Variants in CUL7 observed in about 807,000 individuals in gnomAD.
CUL7 encodes cullin 7.
CUL7 carries 96 observed loss-of-function variants against 177.7 expected under a neutral mutation model. The observed-to-expected ratio is 0.54, with a 90% confidence interval of 0.46 to 0.64. CUL7 has a LOEUF of 0.64. Ranked by LOEUF, CUL7 falls within the 30% of genes least tolerant of loss-of-function variation. The pLI, the probability that CUL7 is intolerant of heterozygous loss-of-function variation, is 0.00. For synonymous variants in CUL7, 824 were observed against 890.2 expected (o/e 0.93, Z 1.32); for missense variants, 1,893 against 2,187.9 (o/e 0.87, Z 2.69).
chr6:43,043,094 G>A lies in CUL7; in HGVS notation c.3442C>T (p.Arg1148Trp), dbSNP rs764312242. ...SIMRNLTRCW[R>W]AVVEKQVNNF... ...CCCACCTGCTTCTCCACCACGGCCCGCCAACAGCGCGTCAGGTTTCTCATG... is the reference window on the plus strand; with the variant it reads ...CCCACCTGCTTCTCCACCACGGCCCACCAACAGCGCGTCAGGTTTCTCATG... Residue 1148 changes from arginine (R) to tryptophan (W), a missense_variant, in exon 18 of 26, where the codon CGG (arginine) becomes TGG (tryptophan). Coordinates refer to ENST00000265348, the MANE Select transcript of CUL7 (RefSeq NM_014780.5). The surrounding 1 kb of genome is among the most constrained non-coding windows in gnomAD (Gnocchi z 4.2). 9 of 1,613,856 alleles carry A rather than the reference G, an allele frequency of 5.6e-6. No homozygotes were observed. Among genetic ancestry groups the A allele is most frequent in the African/African-American group, 2.7e-5 (2 of 74,878 alleles).
In CUL7 at chr6:43,051,961, CTAA is replaced by C. The variant is rs1764448905; in HGVS notation, c.581-201_581-199del. On this transcript the variant is annotated intron_variant, in intron 2 of 25. Transcript: ENST00000265348. This position sits in a 1 kb window ranked among gnomAD's most constrained non-coding sequence, Gnocchi z 5.0. Reference sequence around the variant, plus strand: ...AACACGATCTACAATAGTCTAAACTCTAAATTCTTCCTTTGCATAAAAAGCAAC... The same window carrying C: ...AACACGATCTACAATAGTCTAAACTCATTCTTCCTTTGCATAAAAAGCAAC... Among the ~76,000 whole-genome samples, 1 of 152,176 alleles carries C rather than the reference CTAA, an allele frequency of 6.6e-6. No individual in the cohort carries two copies. Among genetic ancestry groups the C allele is most frequent in the East Asian group, 1.9e-4 (1 of 5,200 alleles).
intron 7 of CUL7, among the ~76,000 whole-genome samples, chr6:43,048,790 C>T (rs564980873): frequency 1.9e-3 from 280 of 148,808 alleles, no homozygotes; most frequent in African/African-American, 6.6e-3. Context: ...TTCTTTGAGA[C>T]GGAGTCTCGC....
At chr6:43,039,710 A>T (rs1763244859) in intron 22 of CUL7, among the ~76,000 whole-genome samples, 1 of 151,662 alleles carries the variant, frequency 6.6e-6, no homozygotes, top group South Asian at 2.1e-4. Context: ...AACAAAAATT[A>T]AAAATGTAAA....
Position 43,046,325 on chromosome 6 carries a change from C to T in CUL7, c.2571G>A (p.Thr857=), listed in dbSNP as rs368641425. 38 of 1,614,070 alleles carry T rather than the reference C, an allele frequency of 2.4e-5. No homozygotes were observed. The highest frequency in any genetic ancestry group is 6.7e-5 in the African/African-American group (5 of 74,932). Residue 857 remains threonine (T), a synonymous_variant, in exon 12 of 26, where the codon ACG becomes ACA. Transcript: ENST00000265348. ...CCCAATAGGTCTTGGGGTTGTGGTC[C>T]GTCAGCTTGCTGGCCCGGTGCGGGT... is the stretch of plus-strand genomic sequence containing the variant. ...SSNPHRASKL[T]DHNPKTYWES...
Position 43,052,854 on chromosome 6 carries a change from CAA to C in CUL7, c.-8-60_-8-59del, listed in dbSNP as rs933446124. 68 of 1,539,634 alleles carry C rather than the reference CAA, an allele frequency of 4.4e-5. No homozygotes were observed. In the Middle Eastern group the frequency reaches 5.2e-4, roughly 12 times the overall value. On this transcript the variant is annotated intron_variant, in intron 1 of 25. Coordinates refer to ENST00000265348, the MANE Select transcript of CUL7 (RefSeq NM_014780.5). The surrounding 1 kb of genome is among the most constrained non-coding windows in gnomAD (Gnocchi z 4.5). The stretch of plus-strand genomic sequence containing the variant: ...CTAGAGGAAGGAGAGGTCAGAAAAT[CAA>C]AGATATCCAGGAGGTGGGGAAGCAA...
Position 43,038,945 on chromosome 6 carries a change from A to AGTC in CUL7, c.4334_4336dup (p.Arg1445dup), listed in dbSNP as rs1383349124. 2.5e-6 allele frequency: 4 copies of AGTC among 1,613,272 alleles called. 1 individual carries two copies. In the South Asian group the frequency reaches 4.4e-5, roughly 18 times the overall value. The stretch of plus-strand genomic sequence containing the variant: ...AGCCCAGCCCAGCCACGTCCACTGC[A>AGTC]GTCGCCTCTGTGAGCCTCGCTCAAG... On this transcript the variant is annotated inframe_insertion, in exon 23 of 26. Transcript: ENST00000265348.
intron 7 of CUL7, among the ~76,000 whole-genome samples, chr6:43,048,970 C>T (rs1001021833): frequency 6.6e-6 from 1 of 151,698 alleles, no homozygotes; most frequent in Non-Finnish European, 1.5e-5. Context: ...GACGGGGTTT[C>T]ACCATGTTAG....
In CUL7 at chr6:43,052,798, T is replaced by G. The variant is rs1284123481; in HGVS notation, c.-8-2A>C. The G allele has an allele frequency of 1.9e-6, 3 of 1,601,586 alleles. No individual in the cohort carries two copies. The African/African-American group carries it at 4.0e-5, about 21-fold the overall frequency. On this transcript the variant is annotated splice_acceptor_variant, in intron 1 of 25. Transcript: ENST00000265348. LOFTEE classifies it low-confidence loss of function (5UTR_SPLICE). This position sits in a 1 kb window ranked among gnomAD's most constrained non-coding sequence, Gnocchi z 4.5. ...GGAGTTCTCCCACCATCCTGGCACC[T>G]GGAGCACACAAGGAAAAGAGAACAG...
At chr6:43,042,670 T>A (rs373022881) in intron 19 of CUL7, 132 bp downstream of exon 19, 1 of 683,606 alleles carries the variant, frequency 1.5e-6, no homozygotes, top group South Asian at 1.7e-5. Context: ...TTTTTAAACT[T>A]CTTATAACAT....
chr6:43,053,827 A>G lies in CUL7; in HGVS notation c.-214T>C. ...GGCAGGGTGGGGCCCGGTCCCTGCC[A>G]GCGGCTCCGCCAGCCAAAAGCCACG... On this transcript the variant is annotated 5_prime_UTR_variant, in exon 1 of 26. Transcript: ENST00000265348. The surrounding 1 kb of genome is among the most constrained non-coding windows in gnomAD (Gnocchi z 4.1). 1.3e-6 allele frequency: 2 copies of G among 1,532,994 alleles called. No homozygotes were observed. The highest frequency in any genetic ancestry group is 2.0e-5 in the Admixed American group (1 of 50,972). The allele number at this position is 1,532,994 out of a possible 1,614,324, so 95.0% of individuals were successfully genotyped here.
rs775026400 is a variant in CUL7 at position 43,038,457 on chromosome 6, C to T, written c.4583G>A (p.Arg1528Gln). ...CGACCTGGGTTCCTTGCTGCCATCT[C>T]GAATCTTGAGGACCCCTGAAATAAA... ...KDIPGGVLKI[R>Q]DGSKEPRSRW... is the part of the protein sequence containing the mutation. The change falls in exon 25 of 26, where the codon CGA becomes CAA. Residue 1528 changes from arginine to glutamine, a missense_variant. Physicochemically the swap from Arg to Gln is conservative, Grantham distance 43. This residue lies in a region of CUL7 where 248 missense variants were observed against 262.5 expected (regional missense o/e 0.94). Transcript: ENST00000265348. 9.9e-6 allele frequency: 16 copies of T among 1,614,042 alleles called. No homozygotes were observed. Among genetic ancestry groups the T allele is most frequent in the South Asian group, 9.9e-5 (9 of 91,090 alleles).
rs955472057 is a variant in CUL7, at chr6:43,048,488, A to G, written c.1907T>C (p.Leu636Pro). ...TGAGCTGAGGGCTTGCTCTAGATCC[A>G]GGAGGATTTTCCCAGCTGGACCATA... The part of the protein sequence containing the change: ...EGYGPAGKIL[L>P]DLEQALSSEG... The change falls in exon 8 of 26, where the codon CTG becomes CCG. Residue 636 changes from leucine (L) to proline (P), a missense_variant. Transcript: ENST00000265348. 8.7e-6 allele frequency: 14 copies of G among 1,614,150 alleles called. No individual in the cohort carries two copies. The highest frequency in any genetic ancestry group is 1.2e-5 in the Non-Finnish European group (14 of 1,180,000).
At chr6:43,049,188 T>G (rs1315097659) in intron 7 of CUL7, among the ~76,000 whole-genome samples, 1 of 152,262 alleles carries the variant, frequency 6.6e-6, no homozygotes, top group Non-Finnish European at 1.5e-5. Context: ...GGGGGCTTTT[T>G]TAAGTCTTCA....
In CUL7 at chr6:43,043,520, G is replaced by T; in HGVS notation, c.3283C>A (p.Arg1095Ser). 1 of 1,614,084 alleles carries T rather than the reference G, an allele frequency of 6.2e-7. No individual in the cohort carries two copies. Among genetic ancestry groups the T allele is most frequent in the Non-Finnish European group, 8.5e-7 (1 of 1,179,982 alleles). Residue 1095 changes from arginine (R) to serine (S), a missense_variant, in exon 17 of 26, where the codon CGT becomes AGT. Transcript: ENST00000265348. This position sits in a 1 kb window ranked among gnomAD's most constrained non-coding sequence, Gnocchi z 4.2. ...ACATGCACCAGCAGGTGAGTGAGAC[G>T]GCGCACCCGCGAGAAGAAAGCTGGG... ...RGPAFFSRVR[R>S]LTHLLVHVEP... is the part of the protein sequence containing the mutation.
At position 43,043,200 on chromosome 6, in the gene CUL7, G is replaced by A. The variant is rs1763601688; in HGVS notation, c.3356-20C>T. 1.3e-6 allele frequency: 2 copies of A among 1,599,162 alleles called. No individual in the cohort carries two copies. Among genetic ancestry groups the A allele is most frequent in the Non-Finnish European group, 1.7e-6 (2 of 1,167,528 alleles). ...TGCCTTCTGTAGAGACCAAGAAAGTGGCAGAGGCAAGGAGGGTGCAGCCCC... is the reference window on the plus strand; with the variant it reads ...TGCCTTCTGTAGAGACCAAGAAAGTAGCAGAGGCAAGGAGGGTGCAGCCCC... On this transcript the variant is annotated intron_variant, in intron 17 of 25. Coordinates refer to ENST00000265348, the MANE Select transcript of CUL7 (RefSeq NM_014780.5). The surrounding 1 kb of genome is among the most constrained non-coding windows in gnomAD (Gnocchi z 4.2).
At position 43,044,994 on chromosome 6, in the gene CUL7, C is replaced by T. The variant is rs900753705; in HGVS notation, c.3039-109G>A. Reference sequence around the variant, plus strand: ...TAACCCCAGCACCCAAACCGAAGGCCCCCTGGTACTTCAGAACTGCTCTGT... The same window carrying T: ...TAACCCCAGCACCCAAACCGAAGGCTCCCTGGTACTTCAGAACTGCTCTGT... On this transcript the variant is annotated intron_variant, in intron 15 of 25. Coordinates refer to ENST00000265348, the MANE Select transcript of CUL7 (RefSeq NM_014780.5). 2.6e-6 allele frequency: 4 copies of T among 1,514,054 alleles called. No homozygotes were observed. In the African/African-American group the frequency reaches 5.5e-5, roughly 21 times the overall value. 93.8% of individuals were successfully genotyped at this position (1,514,054 alleles called of 1,614,324 possible).
chr6:43,040,625 T>G lies in CUL7; in HGVS notation c.3928A>C (p.Thr1310Pro). 3 of 1,614,154 alleles carry G rather than the reference T, an allele frequency of 1.9e-6. No individual in the cohort carries two copies. The highest frequency in any genetic ancestry group is 1.7e-6 in the Non-Finnish European group (2 of 1,180,020). ...AACTGGCGCTGCAGCTCCTTAGAGG[T>G]GCTCAGGCTCTGCAACATCTGCTGG... ...LPQQMLQSLS[T>P]SKELQRQFHV... Residue 1310 changes from threonine (T) to proline (P), a missense_variant, in exon 21 of 26, where the codon ACC becomes CCC. Transcript: ENST00000265348. This position sits in a 1 kb window ranked among gnomAD's most constrained non-coding sequence, Gnocchi z 4.2.
intron 25 of CUL7, 58 bp downstream of exon 25, chr6:43,038,209 A>G (rs1381996195): frequency 3.1e-6 from 5 of 1,588,222 alleles, no homozygotes; most frequent in Non-Finnish European, 4.3e-6. Context: ...CTTGTCCTGT[A>G]GACTGCTCCC....
In CUL7 at chr6:43,049,584, G is replaced by A. The variant is rs746333044; in HGVS notation, c.1648C>T (p.Arg550Ter). 6.8e-6 allele frequency: 11 copies of A among 1,614,098 alleles called. No homozygotes were observed. The highest frequency in any genetic ancestry group is 1.7e-5 in the Admixed American group (1 of 60,000). The stretch of plus-strand genomic sequence containing the variant: ...TCCCTGAGGGCACTGTCATTGAGTC[G>A]CTGTGGCAGAGTCAGCAGCAAGTCC... ...AQDLLLTLPQ[R>*]LNDSALRDLI... The change falls in exon 7 of 26, where the codon CGA becomes TGA. Residue 550 changes from arginine to a stop codon, truncating the protein, a stop_gained. Coordinates refer to ENST00000265348, the MANE Select transcript of CUL7 (RefSeq NM_014780.5). LOFTEE classifies it high-confidence loss of function.
Sources: allele counts gnomAD v4.1 joint callset (sites outside exome capture counted in the v4.1 genomes callset), GRCh38; gene constraint gnomAD v4.1.1; regional missense constraint gnomAD v4.1.1; non-coding constraint Gnocchi (gnomAD v3.1); transcripts MANE v1.5; gene names NCBI Gene and HGNC (gene_info 2026-07-23, HGNC 2026-07-21).